DAZAP2: variants seen among roughly 807,000 people sequenced by gnomAD.
DAZAP2 encodes the protein DAZ-associated protein 2.
In DAZAP2, 3 loss-of-function variants were observed where a neutral mutation model predicts 16.2. That is an observed-to-expected ratio of 0.19 (90% CI 0.08 to 0.48). The LOEUF is 0.48. Ranked by LOEUF, DAZAP2 falls within the 20% of genes least tolerant of loss-of-function variation. The pLI is 0.98. For synonymous variants in DAZAP2, 69 were observed against 77.6 expected (o/e 0.89, Z 0.58); for missense variants, 172 against 215.9 (o/e 0.80, Z 1.27).
At chr12:51,246,630 G>GTGTGTT, downstream of DAZAP2, 1 of 609,286 alleles carries the variant, frequency 1.6e-6, no homozygotes, top group Non-Finnish European at 2.8e-6. Flanking sequence ...GTGTGTGTGT[G>GTGTGTT]TGTGTGTGTA....
At chr12:51,239,478 G>GA (rs34206662) in intron 1 of DAZAP2, 46,097 of 93,272 alleles carry the variant, frequency 0.49, 9,789 homozygotes, top group Middle Eastern at 0.62. Flanking sequence ...AAAAGGAATA[G>GA]AAAAAAAAAA....
Position 51,239,041 on chromosome 12 carries a change from G to C in DAZAP2, c.13+121G>C. The C allele has an allele frequency of 2.8e-6, 4 of 1,430,700 alleles. No homozygotes were observed. In the South Asian group the frequency reaches 5.2e-5, roughly 19 times the overall value. 88.6% of individuals were successfully genotyped at this position (1,430,700 alleles called of 1,614,324 possible). A position where few individuals can be genotyped will look rare whatever the true frequency, so the allele number is the denominator to read the frequency against. On this transcript the variant is annotated intron_variant, in intron 1 of 3. Coordinates refer to ENST00000412716, the MANE Select transcript of DAZAP2 (RefSeq NM_014764.4). Reference sequence around the variant, plus strand: ...GTGGGCTGCGCCATGCTCCTTGGCCGGCTGCAGTCCAGGGCGCTGCGCCTG... The same window carrying C: ...GTGGGCTGCGCCATGCTCCTTGGCCCGCTGCAGTCCAGGGCGCTGCGCCTG...
chr12:51,240,427 C>A lies in DAZAP2; in HGVS notation c.98C>A (p.Pro33Gln). Residue 33 changes from proline to glutamine, a missense_variant, in exon 2 of 4, where the codon CCA (proline) becomes CAA (glutamine). Transcript: ENST00000412716. ...CAGACCTTGCATCTTCCTCAGGCTC[C>A]ACCCTATACCGATGCTCCACCTGCC... The part of the protein sequence containing the change: ...YPQTLHLPQA[P>Q]PYTDAPPAYS... 6.2e-7 allele frequency: 1 copy of A among 1,614,170 alleles called. No homozygotes were observed. The highest frequency in any genetic ancestry group is 1.1e-5 in the South Asian group (1 of 91,080).
In DAZAP2 at chr12:51,242,940, A is replaced by C; in HGVS notation, c.*482A>C. On this transcript the variant is annotated 3_prime_UTR_variant, in exon 4 of 4. Coordinates refer to ENST00000412716, the MANE Select transcript of DAZAP2 (RefSeq NM_014764.4). ...TTCCTTTCCATCCCTTGCCCCACCCATCCCATCTCCAACCCTAGTCTTCCA... is the reference window on the plus strand; with the variant it reads ...TTCCTTTCCATCCCTTGCCCCACCCCTCCCATCTCCAACCCTAGTCTTCCA... 1 of 1,097,408 alleles carries C rather than the reference A, an allele frequency of 9.1e-7. No homozygotes were observed. Among genetic ancestry groups the C allele is most frequent in the Non-Finnish European group, 1.1e-6 (1 of 901,444 alleles). 68.0% of individuals were successfully genotyped at this position (1,097,408 alleles called of 1,614,324 possible).
At chr12:51,239,082 C>A in intron 1 of DAZAP2, 162 bp downstream of exon 1, 1 of 1,010,668 alleles carries the variant, frequency 9.9e-7, no homozygotes. Flanking sequence ...TTCGTCATAC[C>A]CAAATTACGG....
chr12:51,240,959 T>C lies in DAZAP2; in HGVS notation c.221T>C (p.Met74Thr). 1 of 1,614,220 alleles carries C rather than the reference T, an allele frequency of 6.2e-7. No individual in the cohort carries two copies. The highest frequency in any genetic ancestry group is 8.5e-7 in the Non-Finnish European group (1 of 1,180,054). The change falls in exon 3 of 4, where the codon ATG becomes ACG. Residue 74 changes from methionine to threonine, a missense_variant. Transcript: ENST00000412716. ...AFPGASLYLP[M>T]AQSVAVGPLG... Reference sequence around the variant, plus strand: ...CCTGGAGCCTCTCTGTATCTTCCCATGGCCCAGTCTGTGGCTGTTGGGCCT... The same window carrying C: ...CCTGGAGCCTCTCTGTATCTTCCCACGGCCCAGTCTGTGGCTGTTGGGCCT...
intron 3 of DAZAP2, among the ~76,000 whole-genome samples, chr12:51,242,048 A>G (rs1269127615): frequency 6.6e-6 from 1 of 152,214 alleles, no homozygotes; most frequent in Admixed American, 6.5e-5. Flanking sequence ...TCTACCCTCA[A>G]AATGACTGTT....
rs1431458998 is a variant in DAZAP2, at chr12:51,243,596, T to C, written c.*1138T>C. On this transcript the variant is annotated 3_prime_UTR_variant, in exon 4 of 4. Coordinates refer to ENST00000412716, the MANE Select transcript of DAZAP2 (RefSeq NM_014764.4). ...TTGGATTTTATTTTATTTTATCTTA[T>C]AATTTCAGTTCATCTAAATTGTGTG... The C allele has an allele frequency of 6.1e-6, 6 of 985,354 alleles. No individual in the cohort carries two copies. Among genetic ancestry groups the C allele is most frequent in the Non-Finnish European group, 6.0e-6 (5 of 829,590 alleles). 61.0% of individuals were successfully genotyped at this position (985,354 alleles called of 1,614,324 possible).
At chr12:51,242,186 G>T (rs1944689298) in intron 3 of DAZAP2, 144 bp from the exon 4 acceptor site, 3 of 1,172,416 alleles carry the variant, frequency 2.6e-6, no homozygotes, top group South Asian at 3.1e-5. Context: ...ACCTACTTTA[G>T]AACTCAAATT....
downstream of DAZAP2, chr12:51,245,839 C>G: frequency 7.3e-7 from 1 of 1,361,720 alleles, no homozygotes; most frequent in Admixed American, 2.5e-5. Flanking sequence ...TTGCCCACAT[C>G]AATCAATGCT....
At chr12:51,243,964 A>G, downstream of DAZAP2, 1 of 973,960 alleles carries the variant, frequency 1.0e-6, no homozygotes, top group Non-Finnish European at 1.2e-6. Context: ...TCCATTCCAG[A>G]TGTTCAACTT....
rs1592228460 is a variant in DAZAP2 at position 51,243,061 on chromosome 12, C to T, written c.*603C>T. The T allele has an allele frequency of 4.0e-6, 4 of 992,744 alleles. No homozygotes were observed. Among genetic ancestry groups the T allele is most frequent in the Non-Finnish European group, 4.8e-6 (4 of 834,850 alleles). 61.5% of individuals were successfully genotyped at this position (992,744 alleles called of 1,614,324 possible). Reference sequence around the variant, plus strand: ...CCTCGCACTTCTCCCCACTCGTCATCTTTTAACTAGTGTTTCACAAGGATC... The same window carrying T: ...CCTCGCACTTCTCCCCACTCGTCATTTTTTAACTAGTGTTTCACAAGGATC... On this transcript the variant is annotated 3_prime_UTR_variant, in exon 4 of 4. Transcript: ENST00000412716.
rs751469318 is a variant in DAZAP2 at position 51,238,866 on chromosome 12, T to A, written c.-42T>A. On this transcript the variant is annotated 5_prime_UTR_variant, in exon 1 of 4. Coordinates refer to ENST00000412716, the MANE Select transcript of DAZAP2 (RefSeq NM_014764.4). The stretch of plus-strand genomic sequence containing the variant: ...CCGAACAGGAAGAGGACGAAAAAAA[T>A]AACCGTCCGCGACGCCGAGACAAAC... 35 of 1,611,722 alleles carry A rather than the reference T, an allele frequency of 2.2e-5. No individual in the cohort carries two copies. In the African/African-American group the frequency reaches 4.2e-4, roughly 19 times the overall value.
intron 1 of DAZAP2, 88 bp downstream of exon 1, chr12:51,239,008 G>C (rs1944606558): frequency 6.4e-7 from 1 of 1,565,238 alleles, no homozygotes; most frequent in East Asian, 2.3e-5. Flanking sequence ...CCAAACGCCA[G>C]GTTTGGGGTG....
At chr12:51,246,142 T>TAG (rs1193310933), downstream of DAZAP2, 1 of 1,612,302 alleles carries the variant, frequency 6.2e-7, no homozygotes, top group East Asian at 2.2e-5. Flanking sequence ...AGGGAAAATG[T>TAG]AGAGATGTTT....
intron 3 of DAZAP2, 86 bp from the exon 4 acceptor site, chr12:51,242,244 C>T: frequency 6.7e-7 from 1 of 1,500,032 alleles, no homozygotes; most frequent in Non-Finnish European, 8.9e-7. Flanking sequence ...CACATTGCCT[C>T]ATCCTAACAG....
Position 51,243,121 on chromosome 12 carries a change from C to T in DAZAP2, c.*663C>T. ...CCTCTCTGTGCCCCAAGTACAGATG[C>T]CATTACTTCTGCTTTCGTATCTCCT... On this transcript the variant is annotated 3_prime_UTR_variant, in exon 4 of 4. Transcript: ENST00000412716. 1.0e-6 allele frequency: 1 copy of T among 986,100 alleles called. No individual in the cohort carries two copies. Among genetic ancestry groups the T allele is most frequent in the South Asian group, 4.7e-5 (1 of 21,344 alleles). 61.1% of individuals were successfully genotyped at this position (986,100 alleles called of 1,614,324 possible). A position where few individuals can be genotyped will look rare whatever the true frequency, so the allele number is the denominator to read the frequency against.
At chr12:51,244,820 CTTTT>C, downstream of DAZAP2, 5 of 92,066 alleles carry the variant, frequency 5.4e-5, no homozygotes, top group East Asian at 3.5e-4. Context: ...TCCCAGGGTA[CTTTT>C]TTTTTTTTTT....
chr12:51,242,708 C>G lies in DAZAP2; in HGVS notation c.*250C>G, dbSNP rs1592228157. The G allele has an allele frequency of 4.1e-6, 6 of 1,478,288 alleles. No homozygotes were observed. In the Middle Eastern group the frequency reaches 6.9e-4, roughly 170 times the overall value. The allele number at this position is 1,478,288 out of a possible 1,614,324, so 91.6% of individuals were successfully genotyped here. On this transcript the variant is annotated 3_prime_UTR_variant, in exon 4 of 4. Transcript: ENST00000412716. ...ATAAAATGAATGTGGGTGAAGCCGC[C>G]CTAAGGATTTTCCTTTAATTTCTCT...
Sources: allele counts gnomAD v4.1 joint callset (sites outside exome capture counted in the v4.1 genomes callset), GRCh38; gene constraint gnomAD v4.1.1; transcripts MANE v1.5; gene names NCBI Gene and HGNC (gene_info 2026-07-23, HGNC 2026-07-21).